NCEH1: variants seen among roughly 807,000 people sequenced by gnomAD.
NCEH1 encodes neutral cholesterol ester hydrolase 1.
Under a neutral mutation model 25.4 loss-of-function variants are expected in NCEH1, and 9 were observed. The ratio of observed to expected loss-of-function variants is 0.35; its 90% CI spans 0.21 to 0.62. The LOEUF (loss-of-function observed/expected upper bound fraction) is 0.62, where lower values mean the gene tolerates loss of function less well. Among genes scored for constraint, NCEH1 ranks in the 20% least tolerant of loss-of-function variants. The pLI is 0.72. For synonymous variants in NCEH1, 200 were observed against 199.8 expected, an observed-to-expected ratio of 1.00 and a Z score of -0.01; for missense variants, 412 against 501.1, an observed-to-expected ratio of 0.82 and a Z score of 1.70.
Position 172,632,574 on chromosome 3 carries a change from T to A in NCEH1, c.*901A>T, listed in dbSNP as rs1454909968. 1 of 151,610 alleles carries A rather than the reference T, an allele frequency of 6.6e-6. No individual in the cohort carries two copies. The highest frequency in any genetic ancestry group is 1.5e-5 in the Non-Finnish European group (1 of 68,018). The allele number at this position is 151,610 out of a possible 1,614,324, so 9.4% of individuals were successfully genotyped here. A position where few individuals can be genotyped will look rare whatever the true frequency, so the allele number is the denominator to read the frequency against. ...TGAACTAATATTAAATGTATTTTCT[T>A]TTTTGACTATGCCAAGTATATTCAC... On this transcript the variant is annotated 3_prime_UTR_variant, in exon 5 of 5. Transcript: ENST00000475381.
chr3:172,710,100 A>C (rs1714215076), intron 1 of NCEH1, among the ~76,000 whole-genome samples: 1 of 152,244 alleles, frequency 6.6e-6, no homozygotes, highest in Non-Finnish European at 1.5e-5. Context: ...TTACCCTCCC[A>C]GGTTAAGGCA....
chr3:172,636,175 C>A, intron 3 of NCEH1, 88 bp from the exon 4 acceptor site: 2 of 748,232 alleles, frequency 2.7e-6, no homozygotes, highest in Non-Finnish European at 4.3e-6. Flanking sequence ...TCTTTTAAAT[C>A]TGGAAATAGA....
At chr3:172,659,774 C>T (rs896281787) in intron 1 of NCEH1, among the ~76,000 whole-genome samples, 1 of 152,238 alleles carries the variant, frequency 6.6e-6, no homozygotes, top group Non-Finnish European at 1.5e-5. Context: ...GGCTCAGTGA[C>T]TATGGCAGCA....
intron 1 of NCEH1, among the ~76,000 whole-genome samples, chr3:172,697,072 G>A (rs1001101496): frequency 2.0e-5 from 3 of 151,114 alleles, no homozygotes; most frequent in South Asian, 2.1e-4. Flanking sequence ...CTACAGGTGC[G>A]CCCCACCATG....
intron 1 of NCEH1, among the ~76,000 whole-genome samples, chr3:172,662,319 A>AT (rs1718007973): frequency 6.6e-6 from 1 of 152,140 alleles, no homozygotes; most frequent in Non-Finnish European, 1.5e-5. Context: ...GGATGAAGCC[A>AT]ACTTGATCGT....
At chr3:172,651,237 C>T (rs1717391072) in intron 1 of NCEH1, among the ~76,000 whole-genome samples, 1 of 152,028 alleles carries the variant, frequency 6.6e-6, no homozygotes, top group African/African-American at 2.4e-5. Flanking sequence ...GGCTGCAGGA[C>T]TTACAGAATT....
chr3:172,686,541 T>A (rs930351804), intron 1 of NCEH1, among the ~76,000 whole-genome samples: 38 of 152,230 alleles, frequency 2.5e-4, no homozygotes, highest in African/African-American at 9.2e-4. Flanking sequence ...TTTGCTTGCA[T>A]AAGTTCTATG....
At chr3:172,645,003 G>A (rs1029962259) in intron 3 of NCEH1, among the ~76,000 whole-genome samples, 1 of 152,116 alleles carries the variant, frequency 6.6e-6, no homozygotes, top group African/African-American at 2.4e-5. Context: ...GAAGAGACAC[G>A]TGTGCAAAAG....
chr3:172,688,410 T>G (rs1305550694), intron 1 of NCEH1, among the ~76,000 whole-genome samples: 1 of 151,706 alleles, frequency 6.6e-6, no homozygotes, highest in Admixed American at 6.6e-5. Flanking sequence ...CTTCTCAAGC[T>G]GACGCACTTG....
chr3:172,678,648 G>C (rs764591761), intron 1 of NCEH1, among the ~76,000 whole-genome samples: 1 of 152,122 alleles, frequency 6.6e-6, no homozygotes, highest in Non-Finnish European at 1.5e-5. Context: ...ACAAGGAAAA[G>C]GGTCCATATT....
rs866135532 is a variant in NCEH1, at chr3:172,653,763, T to G, written c.139-5649A>C. Among the ~76,000 whole-genome samples, 33 of 97,876 alleles carry G rather than the reference T, an allele frequency of 3.4e-4. 1 individual carries two copies. The highest frequency in any genetic ancestry group is 2.1e-3 in the Admixed American group (18 of 8,614). 64.2% of individuals were successfully genotyped at this position (97,876 alleles called of 152,430 possible). ...TTTTTTGTTTTTTTGTTTTTTTGTT[T>G]TTTTTTTTTTTTGAGACAGAGTCTC... On this transcript the variant is annotated intron_variant, in intron 1 of 4. Transcript: ENST00000475381.
At chr3:172,690,365 G>A (rs4309754) in intron 1 of NCEH1, among the ~76,000 whole-genome samples, 1 of 152,296 alleles carries the variant, frequency 6.6e-6, no homozygotes, top group East Asian at 1.9e-4. Flanking sequence ...TCTTTTCAAA[G>A]AGATTCCAAT....
chr3:172,696,976 A>C (rs1042961987), intron 1 of NCEH1, among the ~76,000 whole-genome samples: 1 of 152,050 alleles, frequency 6.6e-6, no homozygotes, highest in Non-Finnish European at 1.5e-5. Context: ...TCCAGGCTGG[A>C]GTACAATGGC....
intron 1 of NCEH1, among the ~76,000 whole-genome samples, chr3:172,654,175 G>A (rs1247614201): frequency 6.6e-6 from 1 of 152,218 alleles, no homozygotes; most frequent in Admixed American, 6.5e-5. Flanking sequence ...ACAGAAGTCT[G>A]CAGCATATAA....
chr3:172,706,782 T>C (rs547707810), intron 1 of NCEH1, among the ~76,000 whole-genome samples: 2 of 152,282 alleles, frequency 1.3e-5, no homozygotes, highest in East Asian at 3.9e-4. Context: ...ATTACAGGCA[T>C]GAGCCACCAC....
chr3:172,668,821 T>C (rs953388259), intron 1 of NCEH1, among the ~76,000 whole-genome samples: 1 of 152,162 alleles, frequency 6.6e-6, no homozygotes, highest in African/African-American at 2.4e-5. Flanking sequence ...GACATATATA[T>C]TTTCCCCCCA....
intron 1 of NCEH1, among the ~76,000 whole-genome samples, chr3:172,684,246 C>G (rs112811545): frequency 5.3e-5 from 8 of 152,322 alleles, no homozygotes; most frequent in African/African-American, 1.9e-4. Flanking sequence ...TGTCCGTAAT[C>G]ACTTTTAAAA....
chr3:172,662,105 T>A (rs1717999410), intron 1 of NCEH1, among the ~76,000 whole-genome samples: 1 of 152,318 alleles, frequency 6.6e-6, no homozygotes, highest in South Asian at 2.1e-4. Context: ...GGCTGTGGGT[T>A]TGTCATACAT....
At chr3:172,657,430 C>T (rs184811576) in intron 1 of NCEH1, among the ~76,000 whole-genome samples, 19 of 152,214 alleles carry the variant, frequency 1.2e-4, no homozygotes, top group African/African-American at 4.6e-4. Context: ...TACTATTGTC[C>T]TCAGCTTCTT....
Sources: allele counts gnomAD v4.1 joint callset (sites outside exome capture counted in the v4.1 genomes callset), GRCh38; gene constraint gnomAD v4.1.1; transcripts MANE v1.5; gene names NCBI Gene and HGNC (gene_info 2026-07-23, HGNC 2026-07-21).